Variants in LRMDA observed in about 807,000 individuals in gnomAD.
LRMDA encodes leucine-rich melanocyte differentiation-associated protein.
Under a neutral mutation model 29.8 loss-of-function variants are expected in LRMDA, and 18 were observed. The ratio of observed to expected loss-of-function variants is 0.60; its 90% CI spans 0.42 to 0.90. The LOEUF is 0.90. LRMDA is among the 40% of genes least tolerant of loss of function. The pLI is 0.00. For synonymous variants in LRMDA, 125 were observed against 109.4 expected, an observed-to-expected ratio of 1.14 and a Z score of -0.89; for missense variants, 273 against 273.9, an observed-to-expected ratio of 1.00 and a Z score of 0.02.
chr10:76,208,463 A>G (rs1851577139), intron 5 of LRMDA, among the ~76,000 whole-genome samples: 1 of 152,248 alleles, frequency 6.6e-6, no homozygotes, highest in Non-Finnish European at 1.5e-5. Flanking sequence ...CAGGGCAGCC[A>G]GCAAGGAAAC....
At chr10:76,047,445 G>A in intron 4 of LRMDA, 142 bp downstream of exon 4, 2 of 837,974 alleles carry the variant, frequency 2.4e-6, no homozygotes, top group East Asian at 3.1e-5. Flanking sequence ...TTACCTTTTG[G>A]TAACCTATAG....
At chr10:75,841,648 G>T (rs539505096) in intron 2 of LRMDA, among the ~76,000 whole-genome samples, 2 of 152,344 alleles carry the variant, frequency 1.3e-5, no homozygotes, top group South Asian at 4.1e-4. Flanking sequence ...CAGTTCAGCT[G>T]CTTTGAGATC....
chr10:76,533,504 A>G (rs867188994), intron 6 of LRMDA, among the ~76,000 whole-genome samples: 1 of 152,212 alleles, frequency 6.6e-6, no homozygotes, highest in African/African-American at 2.4e-5. Context: ...GCTGGCCTCC[A>G]AGAACAACTT....
intron 2 of LRMDA, among the ~76,000 whole-genome samples, chr10:76,010,255 A>G (rs1196861390): frequency 6.6e-6 from 1 of 150,420 alleles, no homozygotes; most frequent in Non-Finnish European, 1.5e-5. Flanking sequence ...ACCCTGAGGT[A>G]TTTCCCTAAG....
intron 2 of LRMDA, among the ~76,000 whole-genome samples, chr10:75,482,606 C>G (rs1208735454): frequency 1.3e-5 from 2 of 152,136 alleles, no homozygotes; most frequent in East Asian, 3.9e-4. Context: ...CAGGGTCTGA[C>G]CCATGGTAGA....
intron 5 of LRMDA, among the ~76,000 whole-genome samples, chr10:76,074,724 G>C (rs1439765006): frequency 6.6e-6 from 1 of 152,152 alleles, no homozygotes; most frequent in East Asian, 1.9e-4. Context: ...CTTTGGAGCT[G>C]GTGTCAGCCT....
intron 2 of LRMDA, among the ~76,000 whole-genome samples, chr10:75,947,597 G>T (rs149659074): frequency 6.2e-4 from 95 of 152,320 alleles, no homozygotes; most frequent in Non-Finnish European, 1.1e-3. Context: ...TTAGCTGGGT[G>T]ACCTTGGGCA....
chr10:75,721,046 A>T (rs529375675), intron 2 of LRMDA, among the ~76,000 whole-genome samples: 57 of 152,358 alleles, frequency 3.7e-4, no homozygotes, highest in Non-Finnish European at 7.9e-4. Context: ...GGTGGAAATG[A>T]TTTAAGACAT....
rs1841233082 is a variant in LRMDA at position 75,624,932 on chromosome 10, A to G, written c.131+186438A>G. 2.0e-5 allele frequency among the ~76,000 whole-genome samples: 3 copies of G among 152,230 alleles called. No homozygotes were observed. The South Asian group carries it at 6.2e-4, about 32-fold the overall frequency. On this transcript the variant is annotated intron_variant, in intron 2 of 6. Coordinates refer to ENST00000611255, the MANE Select transcript of LRMDA (RefSeq NM_001305581.2). ...CAATCCAGGAGACTTGTGGGCCATG[A>G]AAAAGCCCCATTATTATAAATTGGT... is the stretch of plus-strand genomic sequence containing the variant.
At chr10:76,210,699 G>A (rs774433999) in intron 5 of LRMDA, among the ~76,000 whole-genome samples, 1 of 152,278 alleles carries the variant, frequency 6.6e-6, no homozygotes, top group East Asian at 1.9e-4. Context: ...GACCAGGATT[G>A]CAGAGATTCA....
chr10:76,462,066 A>G (rs1842517637), intron 6 of LRMDA, among the ~76,000 whole-genome samples: 2 of 82,948 alleles, frequency 2.4e-5, no homozygotes, highest in Non-Finnish European at 6.5e-5. Flanking sequence ...TCTCAAAAAA[A>G]AAAAAAAAAA....
chr10:76,238,466 A>G (rs536547268), intron 5 of LRMDA, among the ~76,000 whole-genome samples: 1 of 152,002 alleles, frequency 6.6e-6, no homozygotes, highest in East Asian at 1.9e-4. Context: ...TTGAAGGAAT[A>G]AGGACCCCCC....
At chr10:75,880,680 T>A (rs1458914650) in intron 2 of LRMDA, among the ~76,000 whole-genome samples, 7 of 152,210 alleles carry the variant, frequency 4.6e-5, no homozygotes, top group African/African-American at 1.7e-4. Flanking sequence ...AACCCACTCA[T>A]TTGGTCCTTG....
chr10:75,861,300 G>A (rs987466269), intron 2 of LRMDA, among the ~76,000 whole-genome samples: 15 of 152,200 alleles, frequency 9.9e-5, no homozygotes, highest in Non-Finnish European at 1.6e-4. Context: ...TTGTTGGAGC[G>A]TGATTTATCC....
chr10:76,286,474 A>G (rs1840272648), intron 5 of LRMDA, among the ~76,000 whole-genome samples: 1 of 152,212 alleles, frequency 6.6e-6, no homozygotes, highest in African/African-American at 2.4e-5. Context: ...AAGAGGTACG[A>G]ATATTTTGTC....
At chr10:76,284,381 C>G (rs910960406) in intron 5 of LRMDA, among the ~76,000 whole-genome samples, 6 of 152,074 alleles carry the variant, frequency 3.9e-5, no homozygotes, top group Non-Finnish European at 8.8e-5. Context: ...GGGTGCAAGA[C>G]AGGGAACACA....
chr10:76,334,133 C>T (rs764408486), intron 6 of LRMDA, among the ~76,000 whole-genome samples: 20 of 152,212 alleles, frequency 1.3e-4, no homozygotes, highest in Non-Finnish European at 2.8e-4. Flanking sequence ...AGATGAGCTT[C>T]ATTCTCTTAA....
chr10:76,483,409 G>A (rs866031410), intron 6 of LRMDA, among the ~76,000 whole-genome samples: 25 of 151,986 alleles, frequency 1.6e-4, no homozygotes, highest in African/African-American at 5.5e-4. Context: ...GCCCCATAGG[G>A]GATTTCACCC....
chr10:75,575,464 A>G (rs1203084556), intron 2 of LRMDA, among the ~76,000 whole-genome samples: 2 of 152,172 alleles, frequency 1.3e-5, no homozygotes, highest in African/African-American at 4.8e-5. Context: ...GAATAGGGGT[A>G]TAGGCATTGG....
Sources: allele counts gnomAD v4.1 joint callset (sites outside exome capture counted in the v4.1 genomes callset), GRCh38; gene constraint gnomAD v4.1.1; transcripts MANE v1.5; gene names NCBI Gene and HGNC (gene_info 2026-07-23, HGNC 2026-07-21).